DLGAP5: variants seen among roughly 807,000 people sequenced by gnomAD.
DLGAP5 encodes the protein disks large-associated protein 5.
DLGAP5 carries 90 observed loss-of-function variants against 99.6 expected under a neutral mutation model. The ratio of observed to expected loss-of-function variants is 0.90; its 90% CI spans 0.76 to 1.08. DLGAP5 has a LOEUF of 1.08. DLGAP5 is among the 50% of genes least tolerant of loss of function. The pLI is 0.00. For synonymous variants in DLGAP5, 311 were observed against 321.3 expected (o/e 0.97, Z 0.34); for missense variants, 1,036 against 983.5 (o/e 1.05, Z -0.71).
intron 12 of DLGAP5, among the ~76,000 whole-genome samples, chr14:55,164,568 C>T (rs1418994686): frequency 6.6e-6 from 1 of 151,822 alleles, no homozygotes; most frequent in East Asian, 1.9e-4. Context: ...AGGAGAAAAT[C>T]TTTGTGACTT....
At chr14:55,190,861 T>C (rs1883592352) in intron 1 of DLGAP5, among the ~76,000 whole-genome samples, 1 of 152,200 alleles carries the variant, frequency 6.6e-6, no homozygotes, top group African/African-American at 2.4e-5. Flanking sequence ...AATTAAGACT[T>C]ATGTATTAAA....
At chr14:55,183,483 G>A in intron 3 of DLGAP5, 77 bp downstream of exon 3, 6 of 1,222,120 alleles carry the variant, frequency 4.9e-6, no homozygotes, top group Non-Finnish European at 4.4e-6. Flanking sequence ...CTAAGGGAAA[G>A]GGGTTAGTCA....
chr14:55,186,760 T>C (rs1022149784), intron 2 of DLGAP5, among the ~76,000 whole-genome samples: 1 of 152,342 alleles, frequency 6.6e-6, no homozygotes, highest in Middle Eastern at 3.4e-3. Flanking sequence ...AATTCTCACC[T>C]CTATTATACT....
rs1247108697 is a variant in DLGAP5, at chr14:55,148,292, T to A, written c.*59A>T. 1 of 1,556,516 alleles carries A rather than the reference T, an allele frequency of 6.4e-7. No homozygotes were observed. On this transcript the variant is annotated 3_prime_UTR_variant, in exon 19 of 19. Coordinates refer to ENST00000247191, the MANE Select transcript of DLGAP5 (RefSeq NM_014750.5). ...TACATTTTCTCCAAAATTTCAATAG[T>A]CTAAGGAATATATAAGCATTGATAA...
intron 10 of DLGAP5, among the ~76,000 whole-genome samples, chr14:55,171,348 G>A (rs563750256): frequency 2.0e-5 from 3 of 152,136 alleles, no homozygotes; most frequent in Admixed American, 2.0e-4. Flanking sequence ...ACTGGCCAGG[G>A]ATGCTACAAA....
chr14:55,184,665 G>T (rs1883376346), intron 2 of DLGAP5, among the ~76,000 whole-genome samples: 1 of 152,152 alleles, frequency 6.6e-6, no homozygotes, highest in East Asian at 1.9e-4. Context: ...GAAGCCAGGT[G>T]CCATGTGGGG....
chr14:55,165,875 A>AG (rs970294620), intron 12 of DLGAP5, among the ~76,000 whole-genome samples: 14 of 152,282 alleles, frequency 9.2e-5, no homozygotes, highest in African/African-American at 2.4e-4. Context: ...ACTGCTGATA[A>AG]GGGGGGGCTA....
In DLGAP5 at chr14:55,169,485, G is replaced by C. The variant is rs754544098; in HGVS notation, c.1462C>G (p.Leu488Val). The change falls in exon 12 of 19, where the codon CTG becomes GTG. Residue 488 changes from leucine to valine, a missense_variant. Transcript: ENST00000247191. ...MKERFKQFEGLVDDCEYKRGI... is the reference protein window; with the variant it reads ...MKERFKQFEGVVDDCEYKRGI... ...CGTTTATATTCACAATCATCAACCA[G>C]TCCTTCAAACTGTTTAAACCTTTCC... 19 of 1,613,082 alleles carry C rather than the reference G, an allele frequency of 1.2e-5. No homozygotes were observed. The highest frequency in any genetic ancestry group is 1.5e-5 in the Non-Finnish European group (18 of 1,179,664).
chr14:55,180,625 G>T, intron 6 of DLGAP5, 31 bp downstream of exon 6: 1 of 1,613,208 alleles, frequency 6.2e-7, no homozygotes, highest in Non-Finnish European at 8.5e-7. Flanking sequence ...AAACATTCTA[G>T]TTCAGTCACT....
At chr14:55,149,060 A>G (rs1176085728) in intron 18 of DLGAP5, among the ~76,000 whole-genome samples, 1 of 152,240 alleles carries the variant, frequency 6.6e-6, no homozygotes, top group Non-Finnish European at 1.5e-5. Context: ...ATTTGGGTCT[A>G]AAATAGACAT....
intron 7 of DLGAP5, among the ~76,000 whole-genome samples, chr14:55,178,420 T>C (rs1359400782): frequency 6.6e-6 from 1 of 152,174 alleles, no homozygotes; most frequent in Non-Finnish European, 1.5e-5. Flanking sequence ...CCATATAAAA[T>C]ACAAAGCATA....
At chr14:55,161,395 T>C (rs1182854193) in intron 13 of DLGAP5, among the ~76,000 whole-genome samples, 1 of 135,544 alleles carries the variant, frequency 7.4e-6, no homozygotes, top group African/African-American at 2.8e-5. Context: ...GAGACTTTAT[T>C]AGTAAAAAAA....
At chr14:55,181,549 C>G (rs535974737) in intron 4 of DLGAP5, among the ~76,000 whole-genome samples, 1 of 152,308 alleles carries the variant, frequency 6.6e-6, no homozygotes, top group African/African-American at 2.4e-5. Flanking sequence ...AAACAGCTCA[C>G]TATAACTTGC....
intron 12 of DLGAP5, among the ~76,000 whole-genome samples, chr14:55,167,105 T>C (rs1007936144): frequency 6.6e-6 from 1 of 151,668 alleles, no homozygotes; most frequent in Non-Finnish European, 1.5e-5. Flanking sequence ...AATACAAAAA[T>C]TAGCCTGGCG....
At position 55,181,266 on chromosome 14, in the gene DLGAP5, C is replaced by A; in HGVS notation, c.527G>T (p.Arg176Leu). ...IDNESDVRAI[R>L]PGPRQTSEKK... is the part of the protein sequence containing the mutation. ...TTCAGAAGTTTGTCTTGGACCAGGT[C>A]GGATTGCTCGAACATCACTCTCGTT... Residue 176 changes from arginine (R) to leucine (L), a missense_variant, in exon 5 of 19, where the codon CGA becomes CTA. Coordinates refer to ENST00000247191, the MANE Select transcript of DLGAP5 (RefSeq NM_014750.5). 6.2e-7 allele frequency: 1 copy of A among 1,614,010 alleles called. No homozygotes were observed. The highest frequency in any genetic ancestry group is 1.1e-5 in the South Asian group (1 of 91,046).
chr14:55,171,295 G>T (rs1247279301), intron 10 of DLGAP5, among the ~76,000 whole-genome samples: 2 of 152,142 alleles, frequency 1.3e-5, no homozygotes, highest in Non-Finnish European at 2.9e-5. Flanking sequence ...AACATTTGGT[G>T]GTGTTTGGAA....
At chr14:55,153,787 GT>G (rs1375511317) in intron 15 of DLGAP5, among the ~76,000 whole-genome samples, 1 of 151,790 alleles carries the variant, frequency 6.6e-6, no homozygotes, top group Non-Finnish European at 1.5e-5. Context: ...GCCGGGCATG[GT>G]GGCTCACGCC....
chr14:55,162,805 A>G (rs1004343343), intron 13 of DLGAP5, among the ~76,000 whole-genome samples, 166 bp downstream of exon 13: 13 of 152,150 alleles, frequency 8.5e-5, no homozygotes, highest in Admixed American at 8.5e-4. Context: ...AGTACACTCT[A>G]AGTAGTATAA....
intron 10 of DLGAP5, among the ~76,000 whole-genome samples, chr14:55,172,895 T>C (rs895966155): frequency 2.0e-5 from 3 of 149,634 alleles, no homozygotes; most frequent in African/African-American, 5.0e-5. Context: ...GGCCTGAGAA[T>C]TGCTTGAACC....
Sources: gnomAD v4.1 joint callset for allele counts (sites outside exome capture counted in the v4.1 genomes callset) on GRCh38, gnomAD v4.1.1 for gene constraint, MANE v1.5 for transcripts, NCBI Gene and HGNC (gene_info 2026-07-23, HGNC 2026-07-21) for gene names.